The following TUSC3 variants were observed in gnomAD, a reference collection of about 807,000 sequenced individuals.
The protein encoded by TUSC3 is tumor suppressor candidate 3.
A neutral mutation model predicts 44.8 loss-of-function variants in TUSC3; 45 were observed. The observed-to-expected ratio is 1.00, with a 90% CI of 0.79 to 1.29. The LOEUF is 1.29. Among genes scored for constraint, TUSC3 ranks in the 50% most tolerant of loss-of-function variants. TUSC3 has a pLI of 0.00. For synonymous variants in TUSC3, 212 were observed against 152.9 expected, an observed-to-expected ratio of 1.39 and a Z score of -2.85; for missense variants, 519 against 437.9, an observed-to-expected ratio of 1.19 and a Z score of -1.65.
the TUSC3 span, among the ~76,000 whole-genome samples, chr8:15,779,740 G>C: frequency 6.6e-6 from 1 of 152,262 alleles, no homozygotes; most frequent in Non-Finnish European, 1.5e-5. Context: ...AAGCATAAAA[G>C]TCATCATTAT....
At chr8:15,826,468 T>C in the TUSC3 span, among the ~76,000 whole-genome samples, 6 of 152,208 alleles carry the variant, frequency 3.9e-5, no homozygotes, top group Non-Finnish European at 7.3e-5. Flanking sequence ...GCACATTATA[T>C]TAATATATTG....
At chr8:15,825,200 A>G in the TUSC3 span, among the ~76,000 whole-genome samples, 1 of 152,124 alleles carries the variant, frequency 6.6e-6, no homozygotes, top group African/African-American at 2.4e-5. Context: ...AGTACCTACT[A>G]TGTTTTAGGC....
chr8:15,662,358 A>C, intron 5 of TUSC3, 62 bp downstream of exon 5: 1 of 1,601,182 alleles, frequency 6.2e-7, no homozygotes, highest in Non-Finnish European at 8.5e-7. Context: ...TAAGTTGTAT[A>C]ATATTAACAA....
intron 2 of TUSC3, among the ~76,000 whole-genome samples, chr8:15,493,137 T>A (rs1800832411): frequency 6.6e-6 from 1 of 152,136 alleles, no homozygotes; most frequent in Non-Finnish European, 1.5e-5. Context: ...TAAGGATGAG[T>A]GTTATTGAGT....
intron 1 of TUSC3, among the ~76,000 whole-genome samples, chr8:15,419,553 CT>C (rs1007639310): frequency 2.0e-5 from 3 of 152,170 alleles, no homozygotes; most frequent in Non-Finnish European, 4.4e-5. Flanking sequence ...AAAATTCCTC[CT>C]TTTAAAAAGT....
chr8:15,638,991 CAAGGCTT>C (rs1430665854), intron 2 of TUSC3, among the ~76,000 whole-genome samples: 2,261 of 148,466 alleles, frequency 0.015, 93 homozygotes, highest in African/African-American at 0.052. Context: ...ACGTGATGTT[CAAGGCTT>C]CAGTGATGAT....
chr8:15,575,971 TATA>T (rs35123036), intron 1 of TUSC3, among the ~76,000 whole-genome samples: 63,371 of 151,636 alleles, frequency 0.42, 14,567 homozygotes, highest in Non-Finnish European at 0.52. Flanking sequence ...TGTGAATTGA[TATA>T]ATAACTGAGT....
intron 7 of TUSC3, chr8:15,733,386 A>T (rs550738155): frequency 5.1e-5 from 21 of 409,076 alleles, no homozygotes; most frequent in South Asian, 3.7e-4. Flanking sequence ...TCAATCCATG[A>T]TGTAGCATCT....
At chr8:15,636,506 T>C (rs1405854140) in intron 2 of TUSC3, among the ~76,000 whole-genome samples, 3 of 152,084 alleles carry the variant, frequency 2.0e-5, no homozygotes, top group African/African-American at 7.2e-5. Flanking sequence ...TTGGTGGTCT[T>C]GTGAGGCAGT....
intron 1 of TUSC3, among the ~76,000 whole-genome samples, chr8:15,542,238 T>C (rs1050496983): frequency 2.0e-5 from 3 of 152,042 alleles, no homozygotes; most frequent in Admixed American, 2.0e-4. Context: ...TGGCAATTGG[T>C]TGAAAGAATT....
intron 10 of TUSC3, among the ~76,000 whole-genome samples, chr8:15,761,904 A>G (rs1812181876): frequency 6.6e-6 from 1 of 152,158 alleles, no homozygotes; most frequent in Non-Finnish European, 1.5e-5. Flanking sequence ...TGTTAGATTA[A>G]GAAGCAAAAG....
At chr8:15,830,313 T>A in the TUSC3 span, among the ~76,000 whole-genome samples, 1 of 152,198 alleles carries the variant, frequency 6.6e-6, no homozygotes, top group African/African-American at 2.4e-5. Context: ...CTATGCTTGT[T>A]TTTGCTGCAT....
In TUSC3 at chr8:15,540,868, A is replaced by G. The variant is rs373165119; in HGVS notation, c.138+300A>G. ...AAGCCCAGCTTAGAGCAATGGTGCC[A>G]CTAAAAGGGGTGTGTTGGATGTGAA... On this transcript the variant is annotated intron_variant, in intron 1 of 10. Transcript: ENST00000503731. Among the ~76,000 whole-genome samples, 7 of 152,332 alleles carry G rather than the reference A, an allele frequency of 4.6e-5. No individual in the cohort carries two copies. In the East Asian group the frequency reaches 5.8e-4, roughly 13 times the overall value.
Position 15,503,650 on chromosome 8 carries a change from G to A in TUSC3, n.189+20167G>A, listed in dbSNP as rs563361161. 5.3e-4 allele frequency among the ~76,000 whole-genome samples: 81 copies of A among 152,206 alleles called. 1 individual carries two copies. The South Asian group carries it at 0.016, about 29-fold the overall frequency. On this transcript the variant is annotated intron_variant and non_coding_transcript_variant, in intron 2 of 5. Coordinates refer to the TUSC3 transcript ENST00000503191. Reference sequence around the variant, plus strand: ...GCCCAGGAATTCGAGGTTGCAGTAAGCTACGTTCGTACCACTCCACTCCAG... The same window carrying A: ...GCCCAGGAATTCGAGGTTGCAGTAAACTACGTTCGTACCACTCCACTCCAG...
chr8:15,510,084 A>C (rs140445246), intron 2 of TUSC3, among the ~76,000 whole-genome samples: 6 of 152,234 alleles, frequency 3.9e-5, no homozygotes, highest in African/African-American at 1.4e-4. Context: ...GAGGGGGAAG[A>C]ATTGTTTGAG....
the TUSC3 span, among the ~76,000 whole-genome samples, chr8:15,819,443 T>G: frequency 5.3e-5 from 8 of 152,200 alleles, no homozygotes; most frequent in Non-Finnish European, 7.3e-5. Flanking sequence ...ATTACCTCTA[T>G]GCAGATCATT....
chr8:15,656,138 T>G (rs887639699), intron 3 of TUSC3, among the ~76,000 whole-genome samples: 6 of 151,984 alleles, frequency 3.9e-5, no homozygotes, highest in African/African-American at 1.4e-4. Flanking sequence ...TAAAAAACAT[T>G]CAAACCATCA....
At chr8:15,820,891 G>A in the TUSC3 span, among the ~76,000 whole-genome samples, 1 of 152,124 alleles carries the variant, frequency 6.6e-6, no homozygotes, top group Non-Finnish European at 1.5e-5. Flanking sequence ...TTGTGAGGTT[G>A]CAATGTATGT....
intron 5 of TUSC3, among the ~76,000 whole-genome samples, chr8:15,663,599 G>A (rs1041968385): frequency 6.6e-6 from 1 of 151,870 alleles, no homozygotes; most frequent in Admixed American, 6.6e-5. Flanking sequence ...CTAGTACATA[G>A]TCAAAATACA....
Sources: gnomAD v4.1 joint callset for allele counts (sites outside exome capture counted in the v4.1 genomes callset) on GRCh38, gnomAD v4.1.1 for gene constraint, MANE v1.5 for transcripts, NCBI Gene and HGNC (gene_info 2026-07-23, HGNC 2026-07-21) for gene names.